The following DYSF variants were observed in gnomAD, a reference collection of about 807,000 sequenced individuals.
The protein encoded by DYSF is dysferlin, also known as dystrophy-associated fer-1-like 1.
In DYSF, 212 loss-of-function variants were observed where a neutral mutation model predicts 274.9. The observed-to-expected ratio is 0.77, with a 90% confidence interval of 0.69 to 0.86. DYSF has a LOEUF of 0.86. Ranked by LOEUF, DYSF falls within the 40% of genes least tolerant of loss-of-function variation. The pLI is 0.00. For missense variants in DYSF, 2,666 were observed against 2,783.2 expected (o/e 0.96, Z 0.95); for synonymous variants, 1,091 against 1,078.7 (o/e 1.01, Z -0.22).
chr2:71,553,337 C>A, intron 20 of DYSF, 149 bp downstream of exon 20: 1 of 1,175,204 alleles, frequency 8.5e-7, no homozygotes, highest in Non-Finnish European at 1.2e-6. Flanking sequence ...TGTCCCCTTG[C>A]TCTCCTCCAG....
intron 26 of DYSF, among the ~76,000 whole-genome samples, chr2:71,569,196 C>T (rs545980703): frequency 2.6e-5 from 4 of 152,336 alleles, no homozygotes; most frequent in South Asian, 2.1e-4. Flanking sequence ...CTTAAGCCTT[C>T]GTTCTGTGTG....
intron 11 of DYSF, 148 bp from the exon 12 acceptor site, chr2:71,520,641 C>A (rs991335830): frequency 4.1e-6 from 3 of 730,228 alleles, no homozygotes; most frequent in East Asian, 5.1e-5. Context: ...CTCAAAGTAC[C>A]TTTTGATTCT....
At chr2:71,638,190 A>G (rs2094435120) in intron 41 of DYSF, among the ~76,000 whole-genome samples, 1 of 151,970 alleles carries the variant, frequency 6.6e-6, no homozygotes, top group Non-Finnish European at 1.5e-5. Context: ...CTTTTGTTTG[A>G]TGTTATATGG....
At chr2:71,520,953 G>C in intron 12 of DYSF, 49 bp downstream of exon 12, 1 of 1,536,376 alleles carries the variant, frequency 6.5e-7, no homozygotes, top group Non-Finnish European at 9.0e-7. Context: ...CGCGGCACTT[G>C]GTTGCGGAGG....
chr2:71,468,839 A>C (rs2081743441), intron 1 of DYSF, among the ~76,000 whole-genome samples: 2 of 152,312 alleles, frequency 1.3e-5, no homozygotes, highest in Admixed American at 1.3e-4. Context: ...CCTTGAGAGC[A>C]GTGACCTGTC....
chr2:71,579,348 G>A (rs771247337), intron 30 of DYSF, among the ~76,000 whole-genome samples: 13 of 152,260 alleles, frequency 8.5e-5, no homozygotes, highest in African/African-American at 2.9e-4. Context: ...GGACAGAAAC[G>A]TCGGCAACGT....
chr2:71,676,197 C>T (rs1050660595), intron 52 of DYSF, among the ~76,000 whole-genome samples: 2 of 152,146 alleles, frequency 1.3e-5, no homozygotes, highest in African/African-American at 4.8e-5. Context: ...TGTCTTTGTA[C>T]ATTTTAATGG....
chr2:71,586,214 G>T (rs1164963545), intron 30 of DYSF, among the ~76,000 whole-genome samples: 3 of 152,132 alleles, frequency 2.0e-5, no homozygotes, highest in Non-Finnish European at 4.4e-5. Flanking sequence ...GCGTGTGGGT[G>T]GAAGTTTGCC....
chr2:71,678,953 T>C lies in DYSF; in HGVS notation c.5885-104T>C, dbSNP rs1428465025. ...TGGCTCGGCCATGGATAGAAGCTGG[T>C]GACAGAGGTGACTGAGTTTTTCCTG... On this transcript the variant is annotated intron_variant, in intron 52 of 55. Coordinates refer to ENST00000410020, the MANE Select transcript of DYSF (RefSeq NM_001130987.2). 6 of 1,005,446 alleles carry C rather than the reference T, an allele frequency of 6.0e-6. No homozygotes were observed. In the African/African-American group the frequency reaches 9.5e-5, roughly 16 times the overall value. 62.3% of individuals were successfully genotyped at this position (1,005,446 alleles called of 1,614,324 possible). A position where few individuals can be genotyped will look rare whatever the true frequency, so the allele number is the denominator to read the frequency against.
intron 42 of DYSF, among the ~76,000 whole-genome samples, chr2:71,651,247 A>G (rs1350023022): frequency 6.6e-6 from 1 of 152,188 alleles, no homozygotes; most frequent in Admixed American, 6.5e-5. Context: ...AAAATCAAAT[A>G]ATTGGCACTT....
At chr2:71,491,328 T>C (rs1214888425) in intron 3 of DYSF, among the ~76,000 whole-genome samples, 3 of 152,258 alleles carry the variant, frequency 2.0e-5, no homozygotes, top group African/African-American at 7.2e-5. Flanking sequence ...ATAAAACTTT[T>C]TTCTCTCTGC....
At chr2:71,608,247 C>A (rs1403990394) in intron 36 of DYSF, among the ~76,000 whole-genome samples, 1 of 149,872 alleles carries the variant, frequency 6.7e-6, no homozygotes, top group African/African-American at 2.5e-5. Flanking sequence ...GAGGAGGGAG[C>A]CTGCAGAGAG....
intron 17 of DYSF, among the ~76,000 whole-genome samples, chr2:71,542,681 G>C (rs112190808): frequency 6.6e-6 from 1 of 151,934 alleles, no homozygotes; most frequent in Non-Finnish European, 1.5e-5. Context: ...AGAGAGCACC[G>C]GGTTGGGGGT....
At chr2:71,639,797 G>A (rs2094459570) in intron 41 of DYSF, among the ~76,000 whole-genome samples, 1 of 152,230 alleles carries the variant, frequency 6.6e-6, no homozygotes, top group Non-Finnish European at 1.5e-5. Context: ...GAAACGTGCA[G>A]CCAGTTTGCC....
rs987539725 is a variant in DYSF, at chr2:71,484,115, C to T, written c.239+2145C>T. 9.8e-5 allele frequency among the ~76,000 whole-genome samples: 12 copies of T among 122,012 alleles called. No homozygotes were observed. The East Asian group carries it at 1.5e-3, about 15-fold the overall frequency. The allele number at this position is 122,012 out of a possible 152,430, so 80.0% of individuals were successfully genotyped here. On this transcript the variant is annotated intron_variant, in intron 3 of 55. Transcript: ENST00000410020. Reference sequence around the variant, plus strand: ...TGGCCCAGGCTGGAGTGCAGTGGTGCGATCTCTGCTCACTGCAACCTCCAC... The same window carrying T: ...TGGCCCAGGCTGGAGTGCAGTGGTGTGATCTCTGCTCACTGCAACCTCCAC...
chr2:71,681,949 A>G (rs1246328255), intron 54 of DYSF, among the ~76,000 whole-genome samples: 2 of 152,186 alleles, frequency 1.3e-5, no homozygotes, highest in African/African-American at 4.8e-5. Context: ...CCCGTGAGAC[A>G]CCAGTGTGCA....
chr2:71,611,553 CGGTGCAGTCCTG>C lies in DYSF; in HGVS notation c.4149_4160del (p.Gln1385_Val1388del). The C allele has an allele frequency of 6.2e-7, 1 of 1,614,152 alleles. No individual in the cohort carries two copies. Among genetic ancestry groups the C allele is most frequent in the Non-Finnish European group, 8.5e-7 (1 of 1,180,032 alleles). On this transcript the variant is annotated inframe_deletion, in exon 38 of 56. Transcript: ENST00000410020. ...CTCGTGGTAGAGTGTGGGGGCCAGACGGTGCAGTCCTGTGTCATCAGGAACCTCCGGAAGAAC... is the reference window on the plus strand; with the variant it reads ...CTCGTGGTAGAGTGTGGGGGCCAGACTGTCATCAGGAACCTCCGGAAGAAC...
rs1345323691 is a variant in DYSF, at chr2:71,617,996, A to ATG, written c.4465-2542_4465-2541dup. ...TGTTTGTGTGGTAGAGGTGAGGTAT[A>ATG]TGTGTGTGTGGTAGAGATGGGGTGT... On this transcript the variant is annotated intron_variant, in intron 40 of 55. Transcript: ENST00000410020. Among the ~76,000 whole-genome samples the ATG allele has an allele frequency of 7.3e-4, 31 of 42,360 alleles. 1 individual carries two copies. The highest frequency in any genetic ancestry group is 2.9e-3 in the Admixed American group (10 of 3,504). The allele number at this position is 42,360 out of a possible 152,430, so 27.8% of individuals were successfully genotyped here.
At chr2:71,612,250 T>C (rs2093779959) in intron 38 of DYSF, among the ~76,000 whole-genome samples, 1 of 151,870 alleles carries the variant, frequency 6.6e-6, no homozygotes, top group Non-Finnish European at 1.5e-5. Flanking sequence ...GCTTTTGGGG[T>C]GTGTGGGGGG....
Sources: allele counts gnomAD v4.1 joint callset (sites outside exome capture counted in the v4.1 genomes callset), GRCh38; gene constraint gnomAD v4.1.1; transcripts MANE v1.5; gene names NCBI Gene and HGNC (gene_info 2026-07-23, HGNC 2026-07-21).